The following PTPRG variants were observed in gnomAD, a reference collection of about 807,000 sequenced individuals.
The protein encoded by PTPRG is protein tyrosine phosphatase receptor type G, also known as receptor-type tyrosine-protein phosphatase gamma.
Under a neutral mutation model 165.3 loss-of-function variants are expected in PTPRG, and 102 were observed. The ratio of observed to expected loss-of-function variants is 0.62; its 90% confidence interval spans 0.53 to 0.73. The LOEUF (loss-of-function observed/expected upper bound fraction) is 0.73, where lower values mean the gene tolerates loss of function less well. Among genes scored for constraint, PTPRG ranks in the 30% least tolerant of loss-of-function variants. PTPRG has a pLI of 0.00. For synonymous variants in PTPRG, 675 were observed against 669.5 expected (o/e 1.01, Z -0.13); for missense variants, 1,866 against 1,861.4 (o/e 1.00, Z -0.05).
intron 1 of PTPRG, among the ~76,000 whole-genome samples, chr3:61,671,271 G>A (rs1229388811): frequency 3.3e-5 from 5 of 151,496 alleles, no homozygotes; most frequent in Non-Finnish European, 7.4e-5. Context: ...GTTTTCCTAG[G>A]CAGAGGACCC....
chr3:61,879,952 T>A (rs2107467196), intron 2 of PTPRG, among the ~76,000 whole-genome samples: 1 of 152,328 alleles, frequency 6.6e-6, no homozygotes, highest in South Asian at 2.1e-4. Flanking sequence ...CCAAGGATTG[T>A]CTTCACTACA....
At chr3:62,039,215 G>C (rs1345493109) in intron 4 of PTPRG, among the ~76,000 whole-genome samples, 1 of 150,956 alleles carries the variant, frequency 6.6e-6, no homozygotes, top group Admixed American at 6.6e-5. Flanking sequence ...GATTATAAGC[G>C]TGAGCCACCA....
intron 8 of PTPRG, among the ~76,000 whole-genome samples, chr3:62,176,119 A>C (rs181347508): frequency 7.2e-5 from 11 of 152,290 alleles, no homozygotes; most frequent in Admixed American, 1.3e-4. Flanking sequence ...GAGGACTTGC[A>C]CTGGAGTCTG....
At chr3:61,648,417 C>T (rs142697303) in intron 1 of PTPRG, among the ~76,000 whole-genome samples, 2 of 152,338 alleles carry the variant, frequency 1.3e-5, no homozygotes, top group East Asian at 1.9e-4. Flanking sequence ...GTGGAAGACA[C>T]CTAGCTTGCT....
chr3:61,636,779 CT>C (rs1002220140), intron 1 of PTPRG, among the ~76,000 whole-genome samples: 1 of 151,358 alleles, frequency 6.6e-6, no homozygotes, highest in Non-Finnish European at 1.5e-5. Context: ...GTTTCAAATG[CT>C]TTTTTTTTGT....
rs932268452 is a variant in PTPRG, at chr3:61,788,182, G to A, written c.190+39200G>A. Among the ~76,000 whole-genome samples the A allele has an allele frequency of 5.9e-5, 9 of 152,068 alleles. No homozygotes were observed. In the East Asian group the frequency reaches 7.7e-4, roughly 13 times the overall value. ...TCAGCATCAACGTGTGCTGCATGGC[G>A]TCTTCTAAGTATCAAAGCAGAGATT... is the stretch of plus-strand genomic sequence containing the variant. On this transcript the variant is annotated intron_variant, in intron 2 of 29. Coordinates refer to ENST00000474889, the MANE Select transcript of PTPRG (RefSeq NM_002841.4).
At chr3:61,862,695 T>C (rs2037304093) in intron 2 of PTPRG, among the ~76,000 whole-genome samples, 1 of 152,148 alleles carries the variant, frequency 6.6e-6, no homozygotes, top group South Asian at 2.1e-4. Flanking sequence ...GTGCCCGGCC[T>C]GATGTTACTC....
At chr3:62,038,391 CTTTATT>C (rs1032872693) in intron 4 of PTPRG, among the ~76,000 whole-genome samples, 7 of 151,984 alleles carry the variant, frequency 4.6e-5, no homozygotes, top group African/African-American at 1.4e-4. Flanking sequence ...ATGCTTTTTT[CTTTATT>C]TTTATTTTTA....
At chr3:62,158,928 A>C (rs557894698) in intron 7 of PTPRG, among the ~76,000 whole-genome samples, 57 of 152,318 alleles carry the variant, frequency 3.7e-4, no homozygotes, top group Non-Finnish European at 7.1e-4. Flanking sequence ...TCATTAAAAA[A>C]AATAATAAAG....
chr3:62,196,750 A>G (rs1559635560), intron 10 of PTPRG, among the ~76,000 whole-genome samples: 1 of 152,206 alleles, frequency 6.6e-6, no homozygotes, highest in African/African-American at 2.4e-5. Flanking sequence ...GTCAAATAAG[A>G]AAACCACGCC....
chr3:62,171,027 A>G (rs73840230), intron 8 of PTPRG, among the ~76,000 whole-genome samples: 12,393 of 152,200 alleles, frequency 0.081, 1,390 homozygotes, highest in African/African-American at 0.25. Context: ...ATCATTCAGT[A>G]TGTCCTCTTT....
intron 1 of PTPRG, among the ~76,000 whole-genome samples, chr3:61,568,643 C>T (rs1435973145): frequency 6.6e-6 from 1 of 151,958 alleles, no homozygotes; most frequent in Non-Finnish European, 1.5e-5. Context: ...GGCATGGTGG[C>T]TCATGCCTGT....
In PTPRG at chr3:62,157,347, C is replaced by T. The variant is rs11918702; in HGVS notation, c.840+123C>T. 0.012 allele frequency: 12,224 copies of T among 993,128 alleles called. 881 individuals carry two copies. The African/African-American group carries it at 0.17, about 14-fold the overall frequency. 61.5% of individuals were successfully genotyped at this position (993,128 alleles called of 1,614,324 possible). On this transcript the variant is annotated intron_variant, in intron 7 of 29. Coordinates refer to ENST00000474889, the MANE Select transcript of PTPRG (RefSeq NM_002841.4). ...TTGATCCTGTGCATATCATTGATTC[C>T]TGCAGTCTTTCCCACAAACATGTTT...
intron 5 of PTPRG, among the ~76,000 whole-genome samples, chr3:62,125,726 G>T (rs544796274): frequency 6.9e-6 from 1 of 144,834 alleles, no homozygotes; most frequent in Admixed American, 7.1e-5. Context: ...CAATATCTGT[G>T]TGAAACAGTT....
intron 1 of PTPRG, among the ~76,000 whole-genome samples, chr3:61,636,489 T>A (rs1485171298): frequency 6.6e-6 from 1 of 152,208 alleles, no homozygotes; most frequent in Non-Finnish European, 1.5e-5. Context: ...AGTACTTTTT[T>A]TGTTGTATTT....
intron 2 of PTPRG, among the ~76,000 whole-genome samples, chr3:61,840,634 CTG>C (rs934907004): frequency 1.3e-5 from 2 of 152,032 alleles, no homozygotes; most frequent in African/African-American, 4.8e-5. Flanking sequence ...ACTGGGCACT[CTG>C]TGGGTGGGTA....
intron 7 of PTPRG, among the ~76,000 whole-genome samples, chr3:62,166,035 A>G (rs1274547746): frequency 6.6e-6 from 1 of 151,988 alleles, no homozygotes; most frequent in East Asian, 1.9e-4. Flanking sequence ...ATGCACAGAG[A>G]GCATCTTTCT....
rs1238849439 is a variant in PTPRG, at chr3:61,822,632, T to C, written c.190+73650T>C. On this transcript the variant is annotated intron_variant, in intron 2 of 29. Transcript: ENST00000474889. Reference sequence around the variant, plus strand: ...GAAAGGAGCTACATCCTTTAGAGTGTTATATTTGTGAAAATTCTCATAGCC... The same window carrying C: ...GAAAGGAGCTACATCCTTTAGAGTGCTATATTTGTGAAAATTCTCATAGCC... Among the ~76,000 whole-genome samples, 7 of 152,338 alleles carry C rather than the reference T, an allele frequency of 4.6e-5. No individual in the cohort carries two copies. In the South Asian group the frequency reaches 1.2e-3, roughly 27 times the overall value.
intron 2 of PTPRG, among the ~76,000 whole-genome samples, chr3:61,938,042 G>C (rs1323265761): frequency 1.3e-5 from 2 of 151,542 alleles, no homozygotes; most frequent in African/African-American, 4.8e-5. Flanking sequence ...TTCAGTCTGG[G>C]CTTAAGGTTT....
Sources: gnomAD v4.1 joint callset for allele counts (sites outside exome capture counted in the v4.1 genomes callset) on GRCh38, gnomAD v4.1.1 for gene constraint, MANE v1.5 for transcripts, NCBI Gene and HGNC (gene_info 2026-07-23, HGNC 2026-07-21) for gene names.